The following RUVBL2 variants were observed in gnomAD, a reference collection of about 807,000 sequenced individuals.
RUVBL2 encodes ruvB-like 2.
A neutral mutation model predicts 57.9 loss-of-function variants in RUVBL2; 9 were observed. That is an observed-to-expected ratio of 0.16 (90% confidence interval 0.09 to 0.27). The LOEUF (loss-of-function observed/expected upper bound fraction) is 0.27. Among genes scored for constraint, RUVBL2 ranks in the 10% least tolerant of loss-of-function variants. The probability of loss-of-function intolerance (pLI) is 1.00; values close to 1 mark genes in which losing one functional copy is unlikely to be tolerated. For synonymous variants in RUVBL2, 278 were observed against 264.6 expected, an observed-to-expected ratio of 1.05 and a Z score of -0.49; for missense variants, 456 against 669.6, an observed-to-expected ratio of 0.68 and a Z score of 3.52.
chr19:48,993,970 GTT>G, intron 1 of RUVBL2, 47 bp downstream of exon 1: 2 of 1,611,048 alleles, frequency 1.2e-6, no homozygotes, highest in Non-Finnish European at 1.7e-6. Flanking sequence ...GCAGTCTCGA[GTT>G]TGAGAGAGGA....
rs1228674675 is a variant in RUVBL2 at position 49,011,822 on chromosome 19, A to AG, written c.1001+512_1001+513insG. Among the ~76,000 whole-genome samples the AG allele has an allele frequency of 8.3e-6, 1 of 119,924 alleles. No individual in the cohort carries two copies. Among genetic ancestry groups the AG allele is most frequent in the Admixed American group, 9.9e-5 (1 of 10,126 alleles). 78.7% of individuals were successfully genotyped at this position (119,924 alleles called of 152,430 possible). A position where few individuals can be genotyped will look rare whatever the true frequency, so the allele number is the denominator to read the frequency against. ...CCCAGGTGTTGCCAGCACCCTGTGC[A>AG]CGGGGAACTCTTAATGTTGTGTTTG... On this transcript the variant is annotated intron_variant, in intron 11 of 14. Transcript: ENST00000595090. The surrounding 1 kb of genome is among the most constrained non-coding windows in gnomAD (Gnocchi z 4.4).
At position 49,010,483 on chromosome 19, in the gene RUVBL2, C is replaced by CCAAAAAAAAA; in HGVS notation, c.664-5_664-4insCAAAAAAAAA. The CCAAAAAAAAA allele has an allele frequency of 6.3e-7, 1 of 1,575,990 alleles. No homozygotes were observed. Among genetic ancestry groups the CCAAAAAAAAA allele is most frequent in the Non-Finnish European group, 8.7e-7 (1 of 1,148,116 alleles). On this transcript the variant is annotated splice_polypyrimidine_tract_variant and splice_region_variant and intron_variant, in intron 8 of 14. Coordinates refer to ENST00000595090, the MANE Select transcript of RUVBL2 (RefSeq NM_006666.3). ...CGCCGTTCTTCCCCCACCCCCGCCCCATAGACCAAGTTCGTGCAGTGCCCA... is the reference window on the plus strand; with the variant it reads ...CGCCGTTCTTCCCCCACCCCCGCCCCCAAAAAAAAAATAGACCAAGTTCGTGCAGTGCCCA...
At chr19:48,998,663 C>A (rs191430040) in intron 1 of RUVBL2, among the ~76,000 whole-genome samples, 11 of 142,796 alleles carry the variant, frequency 7.7e-5, no homozygotes, top group Non-Finnish European at 1.5e-4. Flanking sequence ...GAGCTGAGAT[C>A]GGGCCACTGC....
intron 4 of RUVBL2, among the ~76,000 whole-genome samples, chr19:49,006,781 G>A (rs1288930414): frequency 6.6e-6 from 1 of 152,234 alleles, no homozygotes; most frequent in Non-Finnish European, 1.5e-5. Context: ...TTCTAAGCCA[G>A]GCCTGCCGGA....
Position 49,010,483 on chromosome 19 carries a change from C to CCA in RUVBL2, c.664-5_664-4insCA. ...CGCCGTTCTTCCCCCACCCCCGCCC[C>CCA]ATAGACCAAGTTCGTGCAGTGCCCA... On this transcript the variant is annotated splice_polypyrimidine_tract_variant and splice_region_variant and intron_variant, in intron 8 of 14. Coordinates refer to ENST00000595090, the MANE Select transcript of RUVBL2 (RefSeq NM_006666.3). The CCA allele has an allele frequency of 6.3e-7, 1 of 1,576,000 alleles. No individual in the cohort carries two copies. Among genetic ancestry groups the CCA allele is most frequent in the Non-Finnish European group, 8.7e-7 (1 of 1,148,126 alleles).
At chr19:48,996,648 C>T (rs1419128170) in intron 1 of RUVBL2, among the ~76,000 whole-genome samples, 1 of 152,108 alleles carries the variant, frequency 6.6e-6, no homozygotes, top group Non-Finnish European at 1.5e-5. Context: ...GCCTCAGCCT[C>T]CCAAGTACCT....
chr19:49,014,939 GC>G, intron 12 of RUVBL2, 81 bp from the exon 13 acceptor site: 1 of 1,518,590 alleles, frequency 6.6e-7, no homozygotes, highest in Non-Finnish European at 8.9e-7. Context: ...GTGGGGAAGG[GC>G]CAGAGGGTTG....
At chr19:49,000,742 A>G (rs570021638) in intron 2 of RUVBL2, among the ~76,000 whole-genome samples, 52 of 152,030 alleles carry the variant, frequency 3.4e-4, no homozygotes, top group African/African-American at 1.2e-3. Context: ...GTGCATGCCT[A>G]TAGTCCCAGC....
chr19:48,994,107 A>G (rs1167643642), intron 1 of RUVBL2, 184 bp downstream of exon 1: 2 of 319,624 alleles, frequency 6.3e-6, no homozygotes, highest in East Asian at 1.0e-4. Flanking sequence ...TGGGGGCTGG[A>G]CTTCTGGATC....
chr19:48,996,267 G>A (rs2039057690), intron 1 of RUVBL2, among the ~76,000 whole-genome samples: 1 of 152,080 alleles, frequency 6.6e-6, no homozygotes, highest in Non-Finnish European at 1.5e-5. Context: ...CTATTCCAAA[G>A]TGTCAGAAAA....
intron 2 of RUVBL2, among the ~76,000 whole-genome samples, chr19:49,000,747 C>T (rs2039163400): frequency 6.6e-6 from 1 of 151,698 alleles, no homozygotes; most frequent in Non-Finnish European, 1.5e-5. Context: ...TGCCTATAGT[C>T]CCAGCTACTA....
At chr19:49,000,300 A>G (rs2039153190) in intron 2 of RUVBL2, among the ~76,000 whole-genome samples, 1 of 152,258 alleles carries the variant, frequency 6.6e-6, no homozygotes, top group Non-Finnish European at 1.5e-5. Flanking sequence ...CATGCCTGTA[A>G]TTCCAGCACT....
rs376919159 is a variant in RUVBL2 at position 49,015,568 on chromosome 19, C to G, written c.1252-4C>G. 6.2e-7 allele frequency: 1 copy of G among 1,611,710 alleles called. No individual in the cohort carries two copies. Among genetic ancestry groups the G allele is most frequent in the African/African-American group, 1.3e-5 (1 of 74,912 alleles). ...CCAACTGAGGACTCGCCCTCCCCCT[C>G]CAGGGTACAGAAGTGCAGGTGGATG... On this transcript the variant is annotated splice_polypyrimidine_tract_variant and splice_region_variant and intron_variant, in intron 13 of 14. Coordinates refer to ENST00000595090, the MANE Select transcript of RUVBL2 (RefSeq NM_006666.3).
intron 11 of RUVBL2, among the ~76,000 whole-genome samples, chr19:49,013,732 G>A (rs2039482752): frequency 6.6e-6 from 1 of 152,182 alleles, no homozygotes; most frequent in African/African-American, 2.4e-5. Flanking sequence ...GGCCAACATG[G>A]TGAAACCCTG....
chr19:49,003,320 T>G lies in RUVBL2; in HGVS notation c.109T>G (p.Leu37Val), dbSNP rs1808246780. 6.2e-7 allele frequency: 1 copy of G among 1,613,844 alleles called. No individual in the cohort carries two copies. Among genetic ancestry groups the G allele is most frequent in the African/African-American group, 1.3e-5 (1 of 74,880 alleles). The stretch of plus-strand genomic sequence containing the variant: ...CCGGGGACTGGGGCTGGACGATGCC[T>G]TGGAGCCTCGGCAGGTAGAGCAGAG... ...HIRGLGLDDA[L>V]EPRQASQGMV... is the part of the protein sequence containing the mutation. Residue 37 changes from leucine (L) to valine (V), a missense_variant, in exon 3 of 15, where the codon TTG becomes GTG. Leu to Val is a conservative substitution (Grantham distance 32, BLOSUM62 1). Coordinates refer to ENST00000595090, the MANE Select transcript of RUVBL2 (RefSeq NM_006666.3).
At chr19:49,008,248 A>C (rs1228074935) in intron 6 of RUVBL2, among the ~76,000 whole-genome samples, 1 of 144,880 alleles carries the variant, frequency 6.9e-6, no homozygotes, top group Non-Finnish European at 1.5e-5. Context: ...TTTTATTATA[A>C]TTTTTTTTTT....
At position 49,015,829 on chromosome 19, in the gene RUVBL2, T is replaced by C. The variant is rs201720780; in HGVS notation, c.1379T>C (p.Met460Thr). ...CTTCTCCCCACAGAAGGCGAGACCA[T>C]GGACACCTCCTGAGTTGGATGTCAT... Reference protein sequence around the residue: ...FLFNELKGETMDTS With the variant: ...FLFNELKGETTDTS The change falls in exon 15 of 15, where the codon ATG becomes ACG. Residue 460 changes from methionine (M) to threonine (T), a missense_variant. This residue lies in a region of RUVBL2 where 67 missense variants were observed against 71.5 expected (regional missense o/e 0.94). Transcript: ENST00000595090. 1.2e-6 allele frequency: 2 copies of C among 1,614,190 alleles called. No individual in the cohort carries two copies. Among genetic ancestry groups the C allele is most frequent in the Non-Finnish European group, 1.7e-6 (2 of 1,180,014 alleles).
intron 3 of RUVBL2, among the ~76,000 whole-genome samples, chr19:49,003,648 G>A (rs150435867): frequency 6.6e-6 from 1 of 152,132 alleles, no homozygotes; most frequent in African/African-American, 2.4e-5. Flanking sequence ...GCCGGGCATG[G>A]TGGTGCATGC....
chr19:48,999,432 G>C, intron 2 of RUVBL2, 59 bp downstream of exon 2: 1 of 1,578,098 alleles, frequency 6.3e-7, no homozygotes, highest in African/African-American at 1.3e-5. Context: ...CCCTGACAGA[G>C]CAAACCTATT....
Sources: gnomAD v4.1 joint callset for allele counts (sites outside exome capture counted in the v4.1 genomes callset) on GRCh38, gnomAD v4.1.1 for gene constraint, gnomAD v4.1.1 regional missense constraint, Gnocchi (gnomAD v3.1) non-coding constraint, MANE v1.5 for transcripts, NCBI Gene and HGNC (gene_info 2026-07-23, HGNC 2026-07-21) for gene names.